TSHZ2: variants seen among roughly 807,000 people sequenced by gnomAD.
TSHZ2 encodes teashirt homolog 2.
Under a neutral mutation model 74.4 loss-of-function variants are expected in TSHZ2, and 21 were observed. That is an observed-to-expected ratio of 0.28 (90% CI 0.20 to 0.41). The LOEUF is 0.41. Among genes scored for constraint, TSHZ2 ranks in the 10% least tolerant of loss-of-function variants. TSHZ2 has a pLI of 1.00. For missense variants in TSHZ2, 1,244 were observed against 1,293.5 expected, an observed-to-expected ratio of 0.96 and a Z score of 0.59; for synonymous variants, 540 against 515.3, an observed-to-expected ratio of 1.05 and a Z score of -0.65.
chr20:52,999,642 G>C (rs6068424), intron 1 of TSHZ2, among the ~76,000 whole-genome samples: 18 of 152,270 alleles, frequency 1.2e-4, no homozygotes, highest in Admixed American at 3.3e-4. Context: ...CTGTTGCCCA[G>C]ATTTTCCTCC....
At chr20:53,138,202 G>C (rs1987295329) in intron 1 of TSHZ2, among the ~76,000 whole-genome samples, 1 of 152,046 alleles carries the variant, frequency 6.6e-6, no homozygotes, top group Non-Finnish European at 1.5e-5. Context: ...CTAACACGGT[G>C]AAACCCCGTC....
chr20:52,999,506 C>T (rs977619690), intron 1 of TSHZ2, among the ~76,000 whole-genome samples: 1 of 152,180 alleles, frequency 6.6e-6, no homozygotes, highest in African/African-American at 2.4e-5. Context: ...CAGTTAGCAT[C>T]GGTTGATGAC....
chr20:53,001,205 C>CGTGTGTGTGT lies in TSHZ2; in HGVS notation c.40+27913_40+27922dup, dbSNP rs558621179. 2.8e-3 allele frequency among the ~76,000 whole-genome samples: 265 copies of CGTGTGTGTGT among 94,244 alleles called. 4 individuals carry two copies. The highest frequency in any genetic ancestry group is 0.015 in the South Asian group (43 of 2,818). The allele number at this position is 94,244 out of a possible 152,430, so 61.8% of individuals were successfully genotyped here. A position where few individuals can be genotyped will look rare whatever the true frequency, so the allele number is the denominator to read the frequency against. On this transcript the variant is annotated intron_variant, in intron 1 of 2. Coordinates refer to ENST00000371497, the MANE Select transcript of TSHZ2 (RefSeq NM_173485.6). ...ACAATGTTGTGTGTGCGTTCATGTG[C>CGTGTGTGTGT]GTGTGTGTGTGTGTGTGTGTGTGTG...
chr20:53,101,451 C>T (rs562102318), intron 1 of TSHZ2, among the ~76,000 whole-genome samples: 5 of 152,264 alleles, frequency 3.3e-5, no homozygotes, highest in African/African-American at 9.6e-5. Context: ...ATCCCACCGT[C>T]GTTCTTGGTA....
At chr20:53,006,272 G>C (rs1254083323) in intron 1 of TSHZ2, among the ~76,000 whole-genome samples, 1 of 152,182 alleles carries the variant, frequency 6.6e-6, no homozygotes, top group African/African-American at 2.4e-5. Flanking sequence ...TGCAAGAGTA[G>C]TTATTAAACA....
chr20:53,239,756 T>A (rs2123691612), intron 1 of TSHZ2, among the ~76,000 whole-genome samples: 1 of 152,286 alleles, frequency 6.6e-6, no homozygotes, highest in Non-Finnish European at 1.5e-5. Flanking sequence ...CAAAAAATTA[T>A]AATATTTTGC....
At chr20:53,246,040 C>CTTTTTTTTTTTTT (rs57243805) in intron 1 of TSHZ2, among the ~76,000 whole-genome samples, 41 of 130,612 alleles carry the variant, frequency 3.1e-4, no homozygotes, top group African/African-American at 3.1e-4. Context: ...TTCTTTCTTT[C>CTTTTTTTTTTTTT]TTTTTTTTTT....
At chr20:53,011,062 T>TAAGTA (rs2122998451) in intron 1 of TSHZ2, among the ~76,000 whole-genome samples, 1 of 152,350 alleles carries the variant, frequency 6.6e-6, no homozygotes, top group South Asian at 2.1e-4. Context: ...TCATATTTGA[T>TAAGTA]AAGTTTTGCT....
At chr20:53,189,549 T>G (rs1988678954) in intron 1 of TSHZ2, among the ~76,000 whole-genome samples, 1 of 152,182 alleles carries the variant, frequency 6.6e-6, no homozygotes, top group Non-Finnish European at 1.5e-5. Context: ...CATAAAGTGT[T>G]TGGAACAATG....
chr20:53,181,084 G>A (rs747664201), intron 1 of TSHZ2, among the ~76,000 whole-genome samples: 18 of 151,798 alleles, frequency 1.2e-4, no homozygotes, highest in Admixed American at 2.0e-4. Context: ...CCAGCTCTTC[G>A]CTGTCTCAGT....
intron 2 of TSHZ2, among the ~76,000 whole-genome samples, chr20:53,473,876 G>C (rs1600668580): frequency 6.6e-6 from 1 of 152,330 alleles, no homozygotes; most frequent in South Asian, 2.1e-4. Context: ...ACCTCAGGAA[G>C]CGATGCAATC....
chr20:53,172,499 G>A (rs920817721), intron 1 of TSHZ2, among the ~76,000 whole-genome samples: 2 of 152,094 alleles, frequency 1.3e-5, no homozygotes, highest in Admixed American at 6.5e-5. Flanking sequence ...GTGGGTAGAG[G>A]AGGAAGAAAT....
intron 2 of TSHZ2, among the ~76,000 whole-genome samples, chr20:53,262,516 C>T (rs927375728): frequency 3.9e-5 from 6 of 152,172 alleles, no homozygotes; most frequent in African/African-American, 9.7e-5. Context: ...TATTTAGCCT[C>T]GGCTCTAAGA....
intron 1 of TSHZ2, among the ~76,000 whole-genome samples, chr20:53,131,225 T>C (rs2123384331): frequency 6.6e-6 from 1 of 152,326 alleles, no homozygotes; most frequent in South Asian, 2.1e-4. Flanking sequence ...GCATGTGTGC[T>C]CCCCTCCATA....
In TSHZ2 at chr20:53,227,418, T is replaced by C. The variant is rs551332280; in HGVS notation, c.41-26081T>C. Among the ~76,000 whole-genome samples, 3 of 151,962 alleles carry C rather than the reference T, an allele frequency of 2.0e-5. No homozygotes were observed. In the South Asian group the frequency reaches 6.3e-4, roughly 32 times the overall value. ...GCTGTGCTATATTTTATGTTTCTTT[T>C]CATAAATGTTAATCTTTATTATTGC... On this transcript the variant is annotated intron_variant, in intron 1 of 2. Coordinates refer to ENST00000371497, the MANE Select transcript of TSHZ2 (RefSeq NM_173485.6).
chr20:53,341,525 A>G, intron 2 of TSHZ2, among the ~76,000 whole-genome samples: 1 of 151,092 alleles, frequency 6.6e-6, no homozygotes, highest in African/African-American at 2.4e-5. Context: ...GGTCCTTACT[A>G]TGTTGACCAG....
At chr20:53,431,685 T>C (rs1177320472) in intron 2 of TSHZ2, among the ~76,000 whole-genome samples, 1 of 152,076 alleles carries the variant, frequency 6.6e-6, no homozygotes, top group East Asian at 1.9e-4. Flanking sequence ...GTTAAACAAA[T>C]CCATGGTGAA....
At chr20:53,429,389 G>T (rs970659772) in intron 2 of TSHZ2, among the ~76,000 whole-genome samples, 1 of 152,220 alleles carries the variant, frequency 6.6e-6, no homozygotes, top group Non-Finnish European at 1.5e-5. Context: ...CACGTGTTGT[G>T]GGGGGAACCC....
At chr20:53,305,496 T>C (rs1342308688) in intron 2 of TSHZ2, among the ~76,000 whole-genome samples, 1 of 152,168 alleles carries the variant, frequency 6.6e-6, no homozygotes, top group African/African-American at 2.4e-5. Flanking sequence ...CCCAGACAAG[T>C]GAATGACTGG....
Sources: allele counts gnomAD v4.1 joint callset (sites outside exome capture counted in the v4.1 genomes callset), GRCh38; gene constraint gnomAD v4.1.1; transcripts MANE v1.5; gene names NCBI Gene and HGNC (gene_info 2026-07-23, HGNC 2026-07-21).